Variants in IK observed in about 807,000 individuals in gnomAD.
IK encodes the protein protein Red.
A neutral mutation model predicts 90.9 loss-of-function variants in IK; 47 were observed. The ratio of observed to expected loss-of-function variants is 0.52; its 90% CI spans 0.41 to 0.66. The LOEUF is 0.66. Among genes scored for constraint, IK ranks in the 30% least tolerant of loss-of-function variants. The pLI, the probability that IK is intolerant of heterozygous loss-of-function variation, is 0.00. For synonymous variants in IK, 201 were observed against 227.5 expected, an observed-to-expected ratio of 0.88 and a Z score of 1.05; for missense variants, 385 against 709.3, an observed-to-expected ratio of 0.54 and a Z score of 5.19.
intron 2 of IK, among the ~76,000 whole-genome samples, chr5:140,651,066 G>A (rs1034696743): frequency 6.6e-6 from 1 of 152,094 alleles, no homozygotes; most frequent in African/African-American, 2.4e-5. Flanking sequence ...ATTCTCATCA[G>A]CATTATATGA....
At position 140,659,101 on chromosome 5, in the gene IK, C is replaced by G. The variant is rs1471666838; in HGVS notation, c.1113C>G (p.Asp371Glu). 1 of 1,610,470 alleles carries G rather than the reference C, an allele frequency of 6.2e-7. No homozygotes were observed. The change falls in exon 12 of 20, where the codon GAC (aspartate) becomes GAG (glutamate). Residue 371 changes from aspartate (D) to glutamate (E), a missense_variant. Around this residue, in one of 8 missense-constraint regions of IK, gnomAD observed 139 missense variants for 172.0 expected, o/e 0.81. Transcript: ENST00000417647. ...ERDRERERER[D>E]REREEEKKRH... ...ATCGGGAACGAGAGCGAGAGCGGGA[C>G]CGAGAGAGAGAAGAGGAAAAGAAGA...
At chr5:140,654,883 A>C (rs1757680286) in intron 8 of IK, among the ~76,000 whole-genome samples, 156 bp downstream of exon 8, 1 of 152,098 alleles carries the variant, frequency 6.6e-6, no homozygotes, top group African/African-American at 2.4e-5. Flanking sequence ...GCTGGAGTGC[A>C]GTGGTGTGAT....
chr5:140,660,929 A>G lies in IK; in HGVS notation c.1413+114A>G, dbSNP rs548704999. The G allele has an allele frequency of 2.3e-5, 17 of 736,666 alleles. No homozygotes were observed. The African/African-American group carries it at 2.4e-4, about 11-fold the overall frequency. 45.6% of individuals were successfully genotyped at this position (736,666 alleles called of 1,614,324 possible). A position where few individuals can be genotyped will look rare whatever the true frequency, so the allele number is the denominator to read the frequency against. Reference sequence around the variant, plus strand: ...CATTTACTGGGCCCCACCCTCCTTTAGCTGCAGCAGTAGAAACAGCAGCAT... The same window carrying G: ...CATTTACTGGGCCCCACCCTCCTTTGGCTGCAGCAGTAGAAACAGCAGCAT... On this transcript the variant is annotated intron_variant, in intron 16 of 19. Coordinates refer to ENST00000417647, the MANE Select transcript of IK (RefSeq NM_006083.4).
At chr5:140,652,865 C>G (rs1757638767) in intron 4 of IK, 112 bp from the exon 5 acceptor site, 2 of 941,130 alleles carry the variant, frequency 2.1e-6, no homozygotes, top group Non-Finnish European at 3.2e-6. Context: ...CAGACATGAG[C>G]TTTTCCCCAT....
Position 140,655,834 on chromosome 5 carries a change from A to G in IK, c.643A>G (p.Asn215Asp). The change falls in exon 9 of 20, where the codon AAT (asparagine) becomes GAT (aspartate). Residue 215 changes from asparagine to aspartate, a missense_variant. Transcript: ENST00000417647. ...KIEFKTRLGR[N>D]VYRMLFKSKA... ...TGCTCTTCTCCTTATTGTAGGCCGC[A>G]ATGTTTACCGAATGCTTTTTAAGAG... 6.2e-7 allele frequency: 1 copy of G among 1,610,548 alleles called. No individual in the cohort carries two copies.
At chr5:140,655,375 A>C (rs1412016937) in intron 8 of IK, among the ~76,000 whole-genome samples, 1 of 152,260 alleles carries the variant, frequency 6.6e-6, no homozygotes, top group East Asian at 1.9e-4. Context: ...ACTATTTACC[A>C]CATGACTTTA....
At position 140,660,114 on chromosome 5, in the gene IK, T is replaced by G. The variant is rs755719861; in HGVS notation, c.1275-1T>G. The G allele has an allele frequency of 6.2e-7, 1 of 1,613,166 alleles. No individual in the cohort carries two copies. Among genetic ancestry groups the G allele is most frequent in the South Asian group, 1.1e-5 (1 of 91,016 alleles). On this transcript the variant is annotated splice_acceptor_variant, in intron 14 of 19. Coordinates refer to ENST00000417647, the MANE Select transcript of IK (RefSeq NM_006083.4). LOFTEE classifies it high-confidence loss of function. ...GTAGTGTTTTCTTTAACATAGCATA[T>G]GCTGAAGAAGCCAGAAGACAAAAAG...
Position 140,655,221 on chromosome 5 carries a change from T to TA in IK, c.637+498dup, listed in dbSNP as rs201742164. ...ATTTTTCAGTTTGGGGCTTATGAGT[T>TA]AAAAGAAGTAACATGGTTAGTGATT... On this transcript the variant is annotated intron_variant, in intron 8 of 19. Coordinates refer to ENST00000417647, the MANE Select transcript of IK (RefSeq NM_006083.4). Among the ~76,000 whole-genome samples, 861 of 152,310 alleles carry TA rather than the reference T, an allele frequency of 5.7e-3. 4 individuals are homozygous for TA. Among genetic ancestry groups the TA allele is most frequent in the South Asian group, 0.029 (138 of 4,824 alleles).
chr5:140,654,208 A>G (rs1191732466), intron 6 of IK, among the ~76,000 whole-genome samples, 156 bp downstream of exon 6: 1 of 152,170 alleles, frequency 6.6e-6, no homozygotes, highest in African/African-American at 2.4e-5. Flanking sequence ...CTCATCCTTC[A>G]AGTATCAGGC....
intron 3 of IK, 90 bp downstream of exon 3, chr5:140,651,896 C>T (rs1055949418): frequency 1.1e-6 from 1 of 900,352 alleles, no homozygotes; most frequent in Non-Finnish European, 1.8e-6. Context: ...TTTAATAGTC[C>T]CTCAGGTATT....
chr5:140,662,115 G>A (rs895954500), intron 18 of IK, 64 bp from the exon 19 acceptor site: 1 of 1,604,436 alleles, frequency 6.2e-7, no homozygotes. Context: ...TGAGAGGTCA[G>A]CCTTGGGCCT....
intron 3 of IK, 58 bp downstream of exon 3, chr5:140,651,864 C>G (rs1463242478): frequency 1.8e-6 from 2 of 1,130,764 alleles, no homozygotes; most frequent in Admixed American, 3.6e-5. Context: ...CTTCCTATTT[C>G]TTTCTACTAA....
chr5:140,660,121 G>A lies in IK; in HGVS notation c.1281G>A (p.Lys427=), dbSNP rs757041768. ...SAGWEGTESL[K]KPEDKKQLGD... is the part of the protein sequence containing the mutation. ...TTTCTTTAACATAGCATATGCTGAA[G>A]AAGCCAGAAGACAAAAAGCAGCTGG... is the stretch of plus-strand genomic sequence containing the variant. Residue 427 remains lysine, a synonymous_variant, in exon 15 of 20, where the codon AAG becomes AAA. Coordinates refer to ENST00000417647, the MANE Select transcript of IK (RefSeq NM_006083.4). 5.0e-6 allele frequency: 8 copies of A among 1,613,442 alleles called. No individual in the cohort carries two copies. The South Asian group carries it at 8.8e-5, about 18-fold the overall frequency.
At chr5:140,659,511 A>G (rs1757766303) in intron 13 of IK, among the ~76,000 whole-genome samples, 178 bp downstream of exon 13, 1 of 152,158 alleles carries the variant, frequency 6.6e-6, no homozygotes, top group South Asian at 2.1e-4. Flanking sequence ...ATGGCAGGGC[A>G]TATTTGCTCT....
chr5:140,660,463 A>G, intron 15 of IK: 1 of 533,512 alleles, frequency 1.9e-6, no homozygotes, highest in Non-Finnish European at 3.3e-6. Flanking sequence ...ACACCTGGCT[A>G]GTTTTTGTAT....
intron 4 of IK, among the ~76,000 whole-genome samples, chr5:140,652,376 C>T (rs1298968770): frequency 6.6e-6 from 1 of 152,000 alleles, no homozygotes; most frequent in African/African-American, 2.4e-5. Flanking sequence ...ATTTGCTTAG[C>T]CTCTCTAATC....
intron 8 of IK, among the ~76,000 whole-genome samples, 184 bp from the exon 9 acceptor site, chr5:140,655,645 A>C (rs1757696914): frequency 6.6e-6 from 1 of 152,252 alleles, no homozygotes; most frequent in Non-Finnish European, 1.5e-5. Flanking sequence ...AAATTACTTA[A>C]ATCTCAGCCA....
chr5:140,653,849 C>A (rs1239086458), intron 5 of IK, 89 bp from the exon 6 acceptor site: 5 of 747,642 alleles, frequency 6.7e-6, no homozygotes, highest in Non-Finnish European at 4.6e-6. Context: ...GTGATCTGTC[C>A]GCCTTGACCT....
intron 1 of IK, 83 bp downstream of exon 1, chr5:140,648,007 GGTGTGTGTGTGT>G (rs762057029): frequency 2.0e-4 from 188 of 931,446 alleles, no homozygotes; most frequent in Non-Finnish European, 2.6e-4. Context: ...GCTTAAGCCG[GGTGTGTGTGTGT>G]GTGTGTGTGT....
Sources: allele counts gnomAD v4.1 joint callset (sites outside exome capture counted in the v4.1 genomes callset), GRCh38; gene constraint gnomAD v4.1.1; regional missense constraint gnomAD v4.1.1; transcripts MANE v1.5; gene names NCBI Gene and HGNC (gene_info 2026-07-23, HGNC 2026-07-21).